SSH2: variants seen among roughly 807,000 people sequenced by gnomAD.
SSH2 encodes protein phosphatase Slingshot homolog 2.
Under a neutral mutation model 135.2 loss-of-function variants are expected in SSH2, and 37 were observed. That is an observed-to-expected ratio of 0.27 (90% CI 0.21 to 0.36). The LOEUF is 0.36. Among genes scored for constraint, SSH2 ranks in the 10% least tolerant of loss-of-function variants. SSH2 has a pLI of 1.00. For synonymous variants in SSH2, 628 were observed against 646.2 expected, an observed-to-expected ratio of 0.97 and a Z score of 0.43; for missense variants, 1,408 against 1,765.3, an observed-to-expected ratio of 0.80 and a Z score of 3.63.
chr17:29,715,643 T>A (rs2039597801), intron 3 of SSH2, among the ~76,000 whole-genome samples: 1 of 152,232 alleles, frequency 6.6e-6, no homozygotes, highest in South Asian at 2.1e-4. Context: ...GGTTATTTGA[T>A]GTGTTATTTA....
At chr17:29,685,258 CTTAA>C (rs1387503994) in intron 5 of SSH2, among the ~76,000 whole-genome samples, 3 of 152,136 alleles carry the variant, frequency 2.0e-5, no homozygotes, top group African/African-American at 7.2e-5. Context: ...TTAATTTATT[CTTAA>C]TTAAATTTTA....
intron 13 of SSH2, 41 bp from the exon 14 acceptor site, chr17:29,648,385 A>G: frequency 6.8e-7 from 1 of 1,480,270 alleles, no homozygotes; most frequent in East Asian, 2.3e-5. Context: ...GGAAAATACA[A>G]TAGTGGGGAT....
chr17:29,901,435 A>G (rs970903932), intron 1 of SSH2, among the ~76,000 whole-genome samples: 1 of 152,200 alleles, frequency 6.6e-6, no homozygotes, highest in Admixed American at 6.5e-5. Flanking sequence ...ACAGTATAAC[A>G]GGATGTGGGC....
chr17:29,672,082 T>G lies in SSH2; in HGVS notation c.662A>C (p.His221Pro). ...LHKACEVARA[H>P]NYYPGSLFLT... The stretch of plus-strand genomic sequence containing the variant: ...AAATAGGCTGCCTGGGTAGTAGTTA[T>G]GCGCTCTGGCGACTTCACAAGCCTT... Residue 221 changes from histidine to proline, a missense_variant, in exon 9 of 16, where the codon CAT becomes CCT. This residue lies in a region of SSH2 where 222 missense variants were observed against 355.6 expected (regional missense o/e 0.62). Coordinates refer to ENST00000540801, the MANE Select transcript of SSH2 (RefSeq NM_001282129.2). The G allele has an allele frequency of 6.2e-7, 1 of 1,614,204 alleles. No homozygotes were observed. The highest frequency in any genetic ancestry group is 8.5e-7 in the Non-Finnish European group (1 of 1,180,028).
chr17:29,726,897 T>A (rs1380425326), intron 3 of SSH2, among the ~76,000 whole-genome samples: 8 of 152,232 alleles, frequency 5.3e-5, no homozygotes, highest in Non-Finnish European at 1.2e-4. Flanking sequence ...CAATTTTGTC[T>A]TAAGTTACAC....
rs1216901051 is a variant in SSH2 at position 29,706,341 on chromosome 17, CCTT to C, written c.189-3282_189-3280del. Among the ~76,000 whole-genome samples, 44 of 152,304 alleles carry C rather than the reference CCTT, an allele frequency of 2.9e-4. No homozygotes were observed. The South Asian group carries it at 5.0e-3, about 17-fold the overall frequency. On this transcript the variant is annotated intron_variant, in intron 3 of 15. Transcript: ENST00000540801. ...AACCTGCCAAATAGACTGAAACACA[CCTT>C]CTAAAAACAAAAGAATCCACAGATG...
At chr17:29,709,834 C>T (rs895475492) in intron 3 of SSH2, among the ~76,000 whole-genome samples, 3 of 152,146 alleles carry the variant, frequency 2.0e-5, no homozygotes, top group Admixed American at 2.0e-4. Flanking sequence ...TCCAGCTGGG[C>T]TGGACAGTAG....
chr17:29,691,787 G>A (rs2038490168), intron 5 of SSH2, among the ~76,000 whole-genome samples: 1 of 151,748 alleles, frequency 6.6e-6, no homozygotes, highest in Admixed American at 6.6e-5. Context: ...ACTGTGCCCG[G>A]CTTATTTTCA....
At chr17:29,746,311 T>C (rs1462134502) in intron 3 of SSH2, among the ~76,000 whole-genome samples, 1 of 151,808 alleles carries the variant, frequency 6.6e-6, no homozygotes, top group South Asian at 2.1e-4. Context: ...TTTGGGAGGC[T>C]GAGGTAGGCA....
intron 1 of SSH2, among the ~76,000 whole-genome samples, chr17:29,912,870 C>T (rs2066790441): frequency 6.6e-6 from 1 of 152,150 alleles, no homozygotes; most frequent in African/African-American, 2.4e-5. Context: ...AGACAGAGCT[C>T]ATAGTCTCCT....
Position 29,848,920 on chromosome 17 carries a change from A to G in SSH2, c.73T>C (p.Leu25=). ...TSSPCASSSH[L]EDSESAALLC... is the part of the protein sequence containing the mutation. ...AATGCTGCTGATTCACTGTCTTCCA[A>G]ATGAGAGCTCTGTAATACAAACAAG... The change falls in exon 2 of 16, where the codon TTG becomes CTG. Residue 25 remains leucine, a synonymous_variant. Transcript: ENST00000540801. 6.5e-7 allele frequency: 1 copy of G among 1,534,056 alleles called. No homozygotes were observed. The highest frequency in any genetic ancestry group is 1.2e-5 in the South Asian group (1 of 83,992).
At chr17:29,707,878 C>T (rs1362022146) in intron 3 of SSH2, among the ~76,000 whole-genome samples, 1 of 152,030 alleles carries the variant, frequency 6.6e-6, no homozygotes, top group Non-Finnish European at 1.5e-5. Context: ...CTCCCAGAGA[C>T]TCGTGGCAGA....
chr17:29,716,459 T>G, intron 3 of SSH2: 5 of 688,776 alleles, frequency 7.3e-6, no homozygotes, highest in Non-Finnish European at 1.3e-5. Flanking sequence ...CCTCAACTTG[T>G]GTACAACAAT....
At chr17:29,836,664 G>GT (rs1215744844) in intron 2 of SSH2, among the ~76,000 whole-genome samples, 7 of 152,188 alleles carry the variant, frequency 4.6e-5, no homozygotes, top group African/African-American at 1.7e-4. Flanking sequence ...GTTATTTGTG[G>GT]TTTTAACAGC....
intron 1 of SSH2, among the ~76,000 whole-genome samples, chr17:29,869,137 T>C (rs990890129): frequency 1.3e-5 from 2 of 152,184 alleles, no homozygotes; most frequent in Admixed American, 1.3e-4. Flanking sequence ...ATTTTGGAGA[T>C]GAATTCAGAA....
chr17:29,913,568 C>T (rs979205671), intron 1 of SSH2, among the ~76,000 whole-genome samples: 2 of 149,958 alleles, frequency 1.3e-5, no homozygotes, highest in African/African-American at 4.9e-5. Context: ...CCCTAGGAAG[C>T]AATATTTATG....
chr17:29,828,760 G>C (rs1260954395), intron 2 of SSH2, among the ~76,000 whole-genome samples: 3 of 152,146 alleles, frequency 2.0e-5, no homozygotes, highest in African/African-American at 7.2e-5. Flanking sequence ...TGATCAACCT[G>C]AAGCTTTGTT....
chr17:29,790,206 A>G (rs2151300329), intron 3 of SSH2, among the ~76,000 whole-genome samples: 1 of 152,272 alleles, frequency 6.6e-6, no homozygotes, highest in Admixed American at 6.5e-5. Flanking sequence ...CCTACCCTCG[A>G]AAGTGAGGCG....
chr17:29,789,944 G>A lies in SSH2; in HGVS notation c.188+3950C>T, dbSNP rs541017235. On this transcript the variant is annotated intron_variant, in intron 3 of 15. Coordinates refer to ENST00000540801, the MANE Select transcript of SSH2 (RefSeq NM_001282129.2). ...TATTTTGGAAGTGCTTAATTTACCT[G>A]GTTTCACAGGTTCACAGCTGGAGAG... Among the ~76,000 whole-genome samples, 5 of 152,200 alleles carry A rather than the reference G, an allele frequency of 3.3e-5. No individual in the cohort carries two copies. In the South Asian group the frequency reaches 1.0e-3, roughly 32 times the overall value.
Sources: gnomAD v4.1 joint callset for allele counts (sites outside exome capture counted in the v4.1 genomes callset) on GRCh38, gnomAD v4.1.1 for gene constraint, gnomAD v4.1.1 regional missense constraint, MANE v1.5 for transcripts, NCBI Gene and HGNC (gene_info 2026-07-23, HGNC 2026-07-21) for gene names.